The following COL22A1 variants were observed in gnomAD, a reference collection of about 807,000 sequenced individuals.
COL22A1 encodes the protein collagen type XXII alpha 1 chain.
Under a neutral mutation model 248.9 loss-of-function variants are expected in COL22A1, and 221 were observed. The observed-to-expected ratio is 0.89, with a 90% CI of 0.80 to 0.99. COL22A1 has a LOEUF of 0.99. Among genes scored for constraint, COL22A1 ranks in the 50% least tolerant of loss-of-function variants. The probability of loss-of-function intolerance (pLI) is 0.00; values close to 1 mark genes in which losing one functional copy is unlikely to be tolerated. For missense variants in COL22A1, 2,240 were observed against 2,179.0 expected, an observed-to-expected ratio of 1.03 and a Z score of -0.56; for synonymous variants, 891 against 793.4, an observed-to-expected ratio of 1.12 and a Z score of -2.07.
At chr8:138,868,897 A>G (rs1280312583) in intron 3 of COL22A1, among the ~76,000 whole-genome samples, 1 of 152,018 alleles carries the variant, frequency 6.6e-6, no homozygotes. Flanking sequence ...CACCCGGCTA[A>G]TTTTTGTATT....
intron 27 of COL22A1, among the ~76,000 whole-genome samples, chr8:138,719,913 G>A (rs916853431): frequency 6.6e-6 from 1 of 152,202 alleles, no homozygotes; most frequent in Non-Finnish European, 1.5e-5. Flanking sequence ...TGGAGGGCGG[G>A]AGGAGCAGAA....
At chr8:138,771,880 C>T (rs1466491887) in intron 16 of COL22A1, among the ~76,000 whole-genome samples, 1 of 152,184 alleles carries the variant, frequency 6.6e-6, no homozygotes, top group African/African-American at 2.4e-5. Context: ...TCTGGGAAAG[C>T]CGACTGCACC....
At chr8:138,861,240 G>A (rs1822432264) in intron 3 of COL22A1, among the ~76,000 whole-genome samples, 1 of 152,178 alleles carries the variant, frequency 6.6e-6, no homozygotes, top group Admixed American at 6.5e-5. Context: ...CTGGAGCAAG[G>A]AGGTTAGATC....
At chr8:138,700,931 G>A (rs569239184) in intron 31 of COL22A1, among the ~76,000 whole-genome samples, 205 of 127,060 alleles carry the variant, frequency 1.6e-3, no homozygotes, top group Admixed American at 6.0e-3. Flanking sequence ...CTTGCAGTGA[G>A]CCCAGATCAC....
intron 30 of COL22A1, among the ~76,000 whole-genome samples, chr8:138,715,360 G>A (rs1199099502): frequency 6.6e-6 from 1 of 151,876 alleles, no homozygotes. Context: ...GAGTTGCACA[G>A]GAGTTCAAGA....
intron 1 of COL22A1, among the ~76,000 whole-genome samples, chr8:138,885,640 C>T (rs1179597484): frequency 6.6e-6 from 1 of 152,062 alleles, no homozygotes; most frequent in African/African-American, 2.4e-5. Flanking sequence ...GAAGGCTCAC[C>T]ACAACCTCCA....
At chr8:138,912,499 G>A (rs1342282374) in intron 1 of COL22A1, among the ~76,000 whole-genome samples, 3 of 152,178 alleles carry the variant, frequency 2.0e-5, no homozygotes, top group Admixed American at 1.3e-4. Flanking sequence ...CCAGCACTCT[G>A]GGAGGCCAAG....
chr8:138,664,194 T>TGGGC lies in COL22A1; in HGVS notation c.3151-455_3151-454insGCCC, dbSNP rs1554738435. On this transcript the variant is annotated intron_variant, in intron 41 of 64. Transcript: ENST00000303045. ...TCATGCTCCCTTCTCCAACAAGGGG[T>TGGGC]GCGCGCGCGCGCGCGCACACACACA... Among the ~76,000 whole-genome samples the TGGGC allele has an allele frequency of 2.3e-5, 2 of 85,378 alleles. 1 individual carries two copies. The highest frequency in any genetic ancestry group is 7.7e-5 in the African/African-American group (2 of 25,912). The allele number at this position is 85,378 out of a possible 152,430, so 56.0% of individuals were successfully genotyped here.
At chr8:138,641,006 G>A (rs1420810878) in intron 47 of COL22A1, among the ~76,000 whole-genome samples, 1 of 152,200 alleles carries the variant, frequency 6.6e-6, no homozygotes, top group African/African-American at 2.4e-5. Flanking sequence ...CTGCAAGCTT[G>A]TAGGTCTTTC....
At chr8:138,619,157 T>A (rs2131929578) in intron 53 of COL22A1, among the ~76,000 whole-genome samples, 1 of 152,318 alleles carries the variant, frequency 6.6e-6, no homozygotes, top group South Asian at 2.1e-4. Context: ...AAACTAAAAT[T>A]AAGATTCATT....
chr8:138,625,594 A>G (rs576289181), intron 51 of COL22A1, among the ~76,000 whole-genome samples: 3 of 152,256 alleles, frequency 2.0e-5, no homozygotes, highest in Non-Finnish European at 4.4e-5. Flanking sequence ...CAAGAACCTT[A>G]GATGTTTCTC....
intron 1 of COL22A1, among the ~76,000 whole-genome samples, chr8:138,905,851 C>T (rs1814964811): frequency 1.3e-5 from 2 of 152,184 alleles, no homozygotes; most frequent in Admixed American, 6.5e-5. Context: ...CCTCTCCTTT[C>T]CTCAAACACC....
chr8:138,786,988 A>C (rs1815586192), intron 12 of COL22A1, among the ~76,000 whole-genome samples: 1 of 152,208 alleles, frequency 6.6e-6, no homozygotes. Flanking sequence ...AAGTCATTTA[A>C]CTTCTATGAG....
At chr8:138,845,491 G>T (rs1409651119) in intron 3 of COL22A1, among the ~76,000 whole-genome samples, 1 of 150,370 alleles carries the variant, frequency 6.7e-6, no homozygotes, top group East Asian at 2.0e-4. Context: ...TGACAGCCTG[G>T]GTGACAGAAT....
chr8:138,845,732 C>T (rs952147451), intron 3 of COL22A1, among the ~76,000 whole-genome samples: 1 of 152,016 alleles, frequency 6.6e-6, no homozygotes. Flanking sequence ...TATTAATATG[C>T]ACACATTTGT....
rs76382286 is a variant in COL22A1, at chr8:138,740,851, G to A, written c.2086-3274C>T. 6.0e-3 allele frequency among the ~76,000 whole-genome samples: 908 copies of A among 152,162 alleles called. 3 individuals carry two copies. The highest frequency in any genetic ancestry group is 0.01 in the Admixed American group (156 of 15,286). On this transcript the variant is annotated intron_variant, in intron 22 of 64. Transcript: ENST00000303045. ...CATCTCTCTGGCATCTGTACCTTCC[G>A]CACCCCCAGCATCATGGGCCATTCC... is the stretch of plus-strand genomic sequence containing the variant.
intron 7 of COL22A1, among the ~76,000 whole-genome samples, chr8:138,818,510 T>C (rs928123836): frequency 6.6e-6 from 1 of 152,160 alleles, no homozygotes; most frequent in Non-Finnish European, 1.5e-5. Flanking sequence ...GTCTGTTATC[T>C]TAGGCAGGGA....
chr8:138,693,463 G>A (rs1034548137), intron 35 of COL22A1, among the ~76,000 whole-genome samples, 183 bp downstream of exon 35: 6 of 152,198 alleles, frequency 3.9e-5, no homozygotes, highest in Non-Finnish European at 7.4e-5. Flanking sequence ...GAAATGCTAC[G>A]AAGGTGGTGG....
chr8:138,810,201 T>C (rs1050786172), intron 9 of COL22A1, among the ~76,000 whole-genome samples: 2 of 151,910 alleles, frequency 1.3e-5, no homozygotes, highest in African/African-American at 4.8e-5. Context: ...ATGACACAGA[T>C]AATAATGTGT....
Sources: gnomAD v4.1 joint callset for allele counts (sites outside exome capture counted in the v4.1 genomes callset) on GRCh38, gnomAD v4.1.1 for gene constraint, MANE v1.5 for transcripts, NCBI Gene and HGNC (gene_info 2026-07-23, HGNC 2026-07-21) for gene names.